NOP14: variants seen among roughly 807,000 people sequenced by gnomAD.
NOP14 encodes NOP14 nucleolar protein, also known as nucleolar protein 14.
In NOP14, 57 loss-of-function variants were observed where a neutral mutation model predicts 101.6. That is an observed-to-expected ratio of 0.56 (90% CI 0.45 to 0.70). The LOEUF (loss-of-function observed/expected upper bound fraction) is 0.70. NOP14 is among the 30% of genes least tolerant of loss of function. The probability of loss-of-function intolerance (pLI) is 0.00; values close to 1 mark genes in which losing one functional copy is unlikely to be tolerated. For synonymous variants in NOP14, 428 were observed against 424.0 expected (o/e 1.01, Z -0.12); for missense variants, 1,134 against 1,075.5 (o/e 1.05, Z -0.76).
At chr4:2,949,401 C>T (rs967732348) in intron 8 of NOP14, among the ~76,000 whole-genome samples, 25 of 152,092 alleles carry the variant, frequency 1.6e-4, no homozygotes, top group African/African-American at 5.1e-4. Context: ...GACGAGGTTT[C>T]GCAATGTTGC....
chr4:2,946,347 C>G lies in NOP14; in HGVS notation c.1635+65G>C, dbSNP rs542306979. ...AGCCAAGAGCATCGTACCCGTCGTC[C>G]ACCTTCTGTGATGCCAAACAGAACT... On this transcript the variant is annotated intron_variant, in intron 11 of 17. Transcript: ENST00000416614. 2.8e-5 allele frequency: 45 copies of G among 1,593,436 alleles called. No individual in the cohort carries two copies. The African/African-American group carries it at 5.2e-4, about 18-fold the overall frequency.
rs139128141 is a variant in NOP14 at position 2,938,870 on chromosome 4, G to A, written c.2535C>T (p.Gly845=). 108 of 1,613,960 alleles carry A rather than the reference G, an allele frequency of 6.7e-5. 1 individual carries two copies. Among genetic ancestry groups the A allele is most frequent in the Middle Eastern group, 6.6e-4 (4 of 6,060 alleles). The change falls in exon 18 of 18, where the codon GGC becomes GGT. Residue 845 remains glycine (G), a synonymous_variant. Transcript: ENST00000416614. ...QLFNSLATQE[G]EWKALKRKKF... is the part of the protein sequence containing the mutation. The stretch of plus-strand genomic sequence containing the variant: ...TTTTCCTCTTCAGAGCCTTCCATTC[G>A]CCTTCCTGTGTAGCCAGGCTGTTAA...
chr4:2,944,005 A>C, intron 13 of NOP14, 68 bp downstream of exon 13: 1 of 1,277,150 alleles, frequency 7.8e-7, no homozygotes, highest in Non-Finnish European at 1.1e-6. Context: ...TTCTACAATG[A>C]GTATGAACTA....
chr4:2,956,934 C>G, intron 2 of NOP14, 123 bp from the exon 3 acceptor site: 1 of 844,960 alleles, frequency 1.2e-6, no homozygotes, highest in Non-Finnish European at 1.8e-6. Flanking sequence ...CCTAAGCAGC[C>G]TTAAAGAGTA....
At position 2,951,194 on chromosome 4, in the gene NOP14, T is replaced by G; in HGVS notation, c.922A>C (p.Lys308Gln). 1 of 1,613,958 alleles carries G rather than the reference T, an allele frequency of 6.2e-7. No individual in the cohort carries two copies. The stretch of plus-strand genomic sequence containing the variant: ...TCATCTGCTGACATATGTTTTGGTT[T>G]CTTAACATTTTCATCCTCATCCTTT... ...LGKDEDENVK[K>Q]PKHMSADDLN... The change falls in exon 7 of 18, where the codon AAA becomes CAA. Residue 308 changes from lysine (K) to glutamine (Q), a missense_variant. Physicochemically the swap from Lys to Gln is moderately conservative, Grantham distance 53. Transcript: ENST00000416614.
intron 13 of NOP14, 90 bp downstream of exon 13, chr4:2,943,983 A>G (rs1577825872): frequency 2.7e-6 from 3 of 1,097,682 alleles, no homozygotes; most frequent in Middle Eastern, 2.1e-4. Context: ...CTACTTTCGC[A>G]TATTCTAAAC....
intron 1 of NOP14, among the ~76,000 whole-genome samples, chr4:2,957,998 A>G (rs939928639): frequency 2.0e-5 from 3 of 152,184 alleles, no homozygotes; most frequent in African/African-American, 7.2e-5. Flanking sequence ...AAGGGTAAAA[A>G]AGAACACACT....
chr4:2,947,828 G>C (rs1036712761), intron 9 of NOP14, among the ~76,000 whole-genome samples: 1 of 152,196 alleles, frequency 6.6e-6, no homozygotes, highest in Non-Finnish European at 1.5e-5. Context: ...CTAAGGGCAA[G>C]GCGCATCCTT....
rs568837010 is a variant in NOP14, at chr4:2,948,409, C to G, written c.1283-1G>C. The stretch of plus-strand genomic sequence containing the variant: ...CTCAGTTCCTCATAGGATTCAGGGG[C>G]TATCAAAAACACAAAACATACTGCA... On this transcript the variant is annotated splice_acceptor_variant, in intron 8 of 17. Transcript: ENST00000416614. LOFTEE classifies it high-confidence loss of function. The G allele has an allele frequency of 2.5e-6, 4 of 1,603,732 alleles. No individual in the cohort carries two copies. In the South Asian group the frequency reaches 3.4e-5, roughly 14 times the overall value.
chr4:2,945,060 G>A (rs1213010278), intron 12 of NOP14, 68 bp downstream of exon 12: 2 of 1,119,970 alleles, frequency 1.8e-6, no homozygotes, highest in African/African-American at 1.6e-5. Flanking sequence ...ACAAGGCCCC[G>A]AGGGGCTGTG....
intron 14 of NOP14, 165 bp from the exon 15 acceptor site, chr4:2,941,894 C>T (rs1250820504): frequency 1.9e-5 from 15 of 804,522 alleles, no homozygotes; most frequent in Non-Finnish European, 2.5e-5. Context: ...GCAAGGCAGG[C>T]TCAGGGTCAG....
At position 2,938,775 on chromosome 4, in the gene NOP14, T is replaced by C. The variant is rs752780807; in HGVS notation, c.*56A>G. The C allele has an allele frequency of 1.4e-6, 2 of 1,441,800 alleles. No individual in the cohort carries two copies. The highest frequency in any genetic ancestry group is 1.9e-6 in the Non-Finnish European group (2 of 1,030,116). The allele number at this position is 1,441,800 out of a possible 1,614,324, so 89.3% of individuals were successfully genotyped here. ...TTCCTGCCTTGGCCTCCCAGAGGGT[T>C]GGAATTGCAGATGTGAGGTAATGTC... On this transcript the variant is annotated 3_prime_UTR_variant, in exon 18 of 18. Coordinates refer to ENST00000416614, the MANE Select transcript of NOP14 (RefSeq NM_001291978.2).
chr4:2,955,706 T>A (rs1384470513), intron 3 of NOP14, among the ~76,000 whole-genome samples: 1 of 152,220 alleles, frequency 6.6e-6, no homozygotes, highest in African/African-American at 2.4e-5. Context: ...TAGCTAAGGG[T>A]CCACGAGAAG....
Position 2,942,191 on chromosome 4 carries a change from C to A in NOP14, c.2051+1G>T. 1 of 1,613,638 alleles carries A rather than the reference C, an allele frequency of 6.2e-7. No homozygotes were observed. Among genetic ancestry groups the A allele is most frequent in the African/African-American group, 1.3e-5 (1 of 75,040 alleles). On this transcript the variant is annotated splice_donor_variant, in intron 14 of 17. Coordinates refer to ENST00000416614, the MANE Select transcript of NOP14 (RefSeq NM_001291978.2). LOFTEE classifies it high-confidence loss of function. ...CCCCAAAGCGGGGTCCCCTCACATA[C>A]CGGATGTGATTGGCCTCTGTCGAAG...
chr4:2,954,654 G>C lies in NOP14; in HGVS notation c.473-91C>G. 12 of 1,476,644 alleles carry C rather than the reference G, an allele frequency of 8.1e-6. No homozygotes were observed. In the South Asian group the frequency reaches 1.6e-4, roughly 19 times the overall value. The allele number at this position is 1,476,644 out of a possible 1,614,324, so 91.5% of individuals were successfully genotyped here. A position where few individuals can be genotyped will look rare whatever the true frequency, so the allele number is the denominator to read the frequency against. ...GCACTCTGCCAGTGCTTCCCCCATA[G>C]TGGTCTGGAAAAGTCCACATTTGAG... is the stretch of plus-strand genomic sequence containing the variant. On this transcript the variant is annotated intron_variant, in intron 3 of 17. Transcript: ENST00000416614.
chr4:2,946,348 A>T, intron 11 of NOP14, 64 bp downstream of exon 11: 6 of 1,596,616 alleles, frequency 3.8e-6, no homozygotes, highest in Non-Finnish European at 5.1e-6. Flanking sequence ...CCCGTCGTCC[A>T]CCTTCTGTGA....
chr4:2,944,994 T>C (rs1030906004), intron 12 of NOP14, 134 bp downstream of exon 12: 3 of 617,096 alleles, frequency 4.9e-6, no homozygotes, highest in Admixed American at 2.9e-5. Context: ...GGGCCCTCTT[T>C]GGCCTAACCG....
intron 11 of NOP14, among the ~76,000 whole-genome samples, chr4:2,945,759 A>G (rs999432839): frequency 6.6e-6 from 1 of 152,260 alleles, no homozygotes; most frequent in Non-Finnish European, 1.5e-5. Context: ...CCTTAAGGAC[A>G]ATACCGTGGT....
At chr4:2,939,397 C>T (rs1482902969) in intron 16 of NOP14, 54 bp from the exon 17 acceptor site, 22 of 1,610,936 alleles carry the variant, frequency 1.4e-5, no homozygotes, top group Non-Finnish European at 1.8e-5. Context: ...CACCTCTCAG[C>T]CAGAGCCTGC....
Sources: allele counts gnomAD v4.1 joint callset (sites outside exome capture counted in the v4.1 genomes callset), GRCh38; gene constraint gnomAD v4.1.1; transcripts MANE v1.5; gene names NCBI Gene and HGNC (gene_info 2026-07-23, HGNC 2026-07-21).